The following AKR1C2 variants were observed in gnomAD, a reference collection of about 807,000 sequenced individuals.
AKR1C2 encodes the protein aldo-keto reductase family 1 member C2.
In AKR1C2, 27 loss-of-function variants were observed where a neutral mutation model predicts 39.8. The ratio of observed to expected loss-of-function variants is 0.68; its 90% CI spans 0.50 to 0.93. The LOEUF is 0.93. AKR1C2 is among the 40% of genes least tolerant of loss of function. The pLI, the probability that AKR1C2 is intolerant of heterozygous loss-of-function variation, is 0.00. For synonymous variants in AKR1C2, 114 were observed against 137.9 expected (o/e 0.83, Z 1.22); for missense variants, 263 against 365.1 (o/e 0.72, Z 2.28).
chr10:5,006,871 T>C (rs1837418581), upstream of AKR1C2, among the ~76,000 whole-genome samples: 1 of 151,896 alleles, frequency 6.6e-6, no homozygotes, highest in Non-Finnish European at 1.5e-5. Context: ...TTCTCCCGGT[T>C]CAAGCAATTC....
At chr10:5,005,506 C>A (rs145603305), upstream of AKR1C2, among the ~76,000 whole-genome samples, 1 of 129,494 alleles carries the variant, frequency 7.7e-6, no homozygotes, top group Non-Finnish European at 1.6e-5. Flanking sequence ...CATGGTGAAA[C>A]CCCGTCTCTA....
At chr10:5,013,416 G>A (rs1472796823) in intron 1 of AKR1C2, 1 of 153,782 alleles carries the variant, frequency 6.5e-6, no homozygotes, top group Non-Finnish European at 1.5e-5. Flanking sequence ...ACAACATACT[G>A]AACAATTACA....
At chr10:4,995,538 G>A (rs1837002275) in intron 6 of AKR1C2, 54 bp from the exon 7 acceptor site, 1 of 1,566,986 alleles carries the variant, frequency 6.4e-7, no homozygotes, top group Non-Finnish European at 8.6e-7. Context: ...AGTTTGTTAG[G>A]CGGCTCCCTA....
At chr10:4,991,199 G>A (rs1287733429) in intron 8 of AKR1C2, among the ~76,000 whole-genome samples, 1 of 151,378 alleles carries the variant, frequency 6.6e-6, no homozygotes, top group South Asian at 2.1e-4. Context: ...TCTACACTGA[G>A]ATCTCCATAT....
At chr10:5,000,745 C>T in intron 2 of AKR1C2, 79 bp from the exon 3 acceptor site, 1 of 1,318,606 alleles carries the variant, frequency 7.6e-7, no homozygotes, top group Non-Finnish European at 1.1e-6. Flanking sequence ...AATATTTAGA[C>T]ATTTTCTACT....
intron 1 of AKR1C2, chr10:5,015,080 C>T (rs1564339001): frequency 6.6e-6 from 1 of 152,182 alleles, no homozygotes; most frequent in African/African-American, 2.4e-5. Context: ...CAGTCTCCAC[C>T]CTGGAGGGCT....
intron 5 of AKR1C2, among the ~76,000 whole-genome samples, chr10:4,998,231 C>T (rs1489611601): frequency 6.6e-6 from 1 of 150,792 alleles, no homozygotes; most frequent in Middle Eastern, 3.4e-3. Context: ...CTCACTCTCT[C>T]CTTATGTACT....
At chr10:5,000,057 T>G (rs1554773665) in intron 3 of AKR1C2, 1 of 1,078,642 alleles carries the variant, frequency 9.3e-7, no homozygotes, top group African/African-American at 1.7e-5. Context: ...AAACCTCCAG[T>G]GTGAAAAGAG....
At chr10:5,000,301 C>A in intron 3 of AKR1C2, 1 of 1,487,750 alleles carries the variant, frequency 6.7e-7, no homozygotes, top group Non-Finnish European at 8.9e-7. Flanking sequence ...ATTGTCATTT[C>A]CTCAAGTTTT....
chr10:5,010,854 A>G (rs1472879920), intron 1 of AKR1C2, among the ~76,000 whole-genome samples: 1 of 152,012 alleles, frequency 6.6e-6, no homozygotes, highest in Admixed American at 6.6e-5. Context: ...AAATAAATCA[A>G]AGTCTTAATT....
At chr10:5,001,788 G>C in intron 1 of AKR1C2, 107 bp from the exon 2 acceptor site, 1 of 1,429,050 alleles carries the variant, frequency 7.0e-7, no homozygotes, top group Non-Finnish European at 9.8e-7. Context: ...TTTCTTGGAT[G>C]AGCTCTGTAT....
rs373811604 is a variant in AKR1C2 at position 4,997,452 on chromosome 10, C to T, written c.570+1173G>A. 9 of 179,934 alleles carry T rather than the reference C, an allele frequency of 5.0e-5. No individual in the cohort carries two copies. In the East Asian group the frequency reaches 1.5e-3, roughly 29 times the overall value. The allele number at this position is 179,934 out of a possible 1,614,324, so 11.1% of individuals were successfully genotyped here. ...CTGGAACTGGGAGAATATCTTCATT[C>T]CTGTGACATGCTTTGAGAGGTCTCT... On this transcript the variant is annotated intron_variant, in intron 5 of 8. Coordinates refer to ENST00000380753, the MANE Select transcript of AKR1C2 (RefSeq NM_001393392.1).
In AKR1C2 at chr10:5,017,460, T is replaced by C. The variant is rs1334461187; in HGVS notation, c.-88+440A>G. On this transcript the variant is annotated intron_variant, in intron 1 of 6. Transcript: ENST00000604507. Reference sequence around the variant, plus strand: ...CTCAAAGTGACACAGATCTCTAGGGTAGGAACACGATGATGCCAATCTTTT... The same window carrying C: ...CTCAAAGTGACACAGATCTCTAGGGCAGGAACACGATGATGCCAATCTTTT... Among the ~76,000 whole-genome samples the C allele has an allele frequency of 2.0e-5, 3 of 152,298 alleles. No homozygotes were observed. In the East Asian group the frequency reaches 5.8e-4, roughly 29 times the overall value.
In AKR1C2 at chr10:4,989,041, T is replaced by G. The variant is rs1836751479; in HGVS notation, c.*955A>C. The G allele has an allele frequency of 6.6e-6, 1 of 152,240 alleles. No individual in the cohort carries two copies. Among genetic ancestry groups the G allele is most frequent in the South Asian group, 2.1e-4 (1 of 4,830 alleles). 9.4% of individuals were successfully genotyped at this position (152,240 alleles called of 1,614,324 possible). ...GCATAATGGCTTTGGGATATTTATG[T>G]TTTATACTTGTAACTATGCCTTGTT... is the stretch of plus-strand genomic sequence containing the variant. On this transcript the variant is annotated 3_prime_UTR_variant, in exon 9 of 9. Coordinates refer to ENST00000380753, the MANE Select transcript of AKR1C2 (RefSeq NM_001393392.1).
chr10:4,998,845 ACAAT>A (rs2131694603), intron 4 of AKR1C2, 98 bp from the exon 5 acceptor site: 26 of 1,541,324 alleles, frequency 1.7e-5, no homozygotes, highest in Non-Finnish European at 2.2e-5. Context: ...TCTAGACGTG[ACAAT>A]CAAACTAGCT....
At chr10:5,017,736 T>C (rs1309820473) in intron 1 of AKR1C2, among the ~76,000 whole-genome samples, 5 of 152,204 alleles carry the variant, frequency 3.3e-5, no homozygotes, top group Admixed American at 3.3e-4. Context: ...TATCTTTATA[T>C]CAATGCTTCA....
intron 7 of AKR1C2, among the ~76,000 whole-genome samples, chr10:4,992,841 T>G (rs1443636475): frequency 2.0e-5 from 3 of 152,052 alleles, no homozygotes; most frequent in African/African-American, 7.3e-5. Context: ...TCCCAGCTAC[T>G]CTGGAGGCTG....
At chr10:4,998,050 A>G (rs1330139503) in intron 5 of AKR1C2, among the ~76,000 whole-genome samples, 5 of 152,222 alleles carry the variant, frequency 3.3e-5, no homozygotes, top group African/African-American at 1.2e-4. Flanking sequence ...CTGTGAACAG[A>G]TATCTCCATA....
At chr10:5,008,962 G>A (rs1486248314), upstream of AKR1C2, among the ~76,000 whole-genome samples, 9 of 152,196 alleles carry the variant, frequency 5.9e-5, no homozygotes, top group African/African-American at 1.9e-4. Flanking sequence ...CCTCACAGAG[G>A]TTTGTGGGTG....
Sources: gnomAD v4.1 joint callset for allele counts (sites outside exome capture counted in the v4.1 genomes callset) on GRCh38, gnomAD v4.1.1 for gene constraint, MANE v1.5 for transcripts, NCBI Gene and HGNC (gene_info 2026-07-23, HGNC 2026-07-21) for gene names.